Variants in ATP8B1 observed in about 807,000 individuals in gnomAD.
ATP8B1 encodes the protein phospholipid-transporting ATPase IC.
ATP8B1 carries 80 observed loss-of-function variants against 149.9 expected under a neutral mutation model. The ratio of observed to expected loss-of-function variants is 0.53; its 90% confidence interval spans 0.45 to 0.64. The LOEUF is 0.64. Among genes scored for constraint, ATP8B1 ranks in the 30% least tolerant of loss-of-function variants. The pLI, the probability that ATP8B1 is intolerant of heterozygous loss-of-function variation, is 0.00. For missense variants in ATP8B1, 1,247 were observed against 1,552.6 expected (o/e 0.80, Z 3.31); for synonymous variants, 536 against 562.8 (o/e 0.95, Z 0.67).
At chr18:57,751,352 G>A (rs1361266032) in intron 1 of ATP8B1, among the ~76,000 whole-genome samples, 1 of 151,504 alleles carries the variant, frequency 6.6e-6, no homozygotes, top group Non-Finnish European at 1.5e-5. Context: ...AATTTAGCAG[G>A]GCATGGTGGT....
chr18:57,655,144 C>G, intron 23 of ATP8B1, 50 bp downstream of exon 23: 6 of 1,502,230 alleles, frequency 4.0e-6, no homozygotes, highest in Non-Finnish European at 5.5e-6. Flanking sequence ...GATTTTTATT[C>G]ATTTAAGAGC....
At chr18:57,718,103 T>TAAAAAAA (rs59629558) in intron 2 of ATP8B1, among the ~76,000 whole-genome samples, 3 of 31,810 alleles carry the variant, frequency 9.4e-5, no homozygotes, top group Non-Finnish European at 1.7e-4. Context: ...CTGGACTAAC[T>TAAAAAAA]AAAAAAAAAA....
In ATP8B1 at chr18:57,760,151, G is replaced by GA. The variant is rs202110557; in HGVS notation, c.-25-28320dup. On this transcript the variant is annotated intron_variant, in intron 1 of 27. Coordinates refer to ENST00000648908, the MANE Select transcript of ATP8B1 (RefSeq NM_001374385.1). Reference sequence around the variant, plus strand: ...CTCTCCAATATACAAAGATCGGGGGGAAAAAATGACTAAAAATTATCCTCC... The same window carrying GA: ...CTCTCCAATATACAAAGATCGGGGGGAAAAAAATGACTAAAAATTATCCTCC... Among the ~76,000 whole-genome samples, 10 of 151,984 alleles carry GA rather than the reference G, an allele frequency of 6.6e-5. No individual in the cohort carries two copies. In the East Asian group the frequency reaches 1.7e-3, roughly 26 times the overall value.
intron 1 of ATP8B1, among the ~76,000 whole-genome samples, chr18:57,764,587 T>G (rs1433255712): frequency 6.6e-6 from 1 of 151,640 alleles, no homozygotes; most frequent in Non-Finnish European, 1.5e-5. Flanking sequence ...CCCGGCTAAT[T>G]TTTGTATTTT....
At position 57,750,192 on chromosome 18, in the gene ATP8B1, G is replaced by A. The variant is rs186552529; in HGVS notation, c.-25-18360C>T. 1.5e-3 allele frequency among the ~76,000 whole-genome samples: 235 copies of A among 152,290 alleles called. 3 individuals carry two copies. The highest frequency in any genetic ancestry group is 1.5e-3 in the East Asian group (8 of 5,182). On this transcript the variant is annotated intron_variant, in intron 1 of 27. Transcript: ENST00000648908. ...TGGGAGGTGGAGGTTGCAGTGAGCC[G>A]AGACTGTGCCACTGCACTTTAGCCT... is the stretch of plus-strand genomic sequence containing the variant.
intron 16 of ATP8B1, among the ~76,000 whole-genome samples, chr18:57,672,579 C>A (rs317835): frequency 0.4 from 60,941 of 151,780 alleles, 12,595 homozygotes; most frequent in East Asian, 0.66. Flanking sequence ...ATAATATATA[C>A]CTTCTGGCTA....
At chr18:57,763,471 C>A (rs1345366026) in intron 1 of ATP8B1, among the ~76,000 whole-genome samples, 1 of 152,094 alleles carries the variant, frequency 6.6e-6, no homozygotes, top group African/African-American at 2.4e-5. Context: ...GGTAACATTT[C>A]AACATTTAAG....
intron 1 of ATP8B1, among the ~76,000 whole-genome samples, chr18:57,758,146 A>G (rs4941046): frequency 0.37 from 55,767 of 151,984 alleles, 10,737 homozygotes; most frequent in African/African-American, 0.49. Context: ...AGCATGAGCC[A>G]CCAAGTCTGG....
At chr18:57,705,443 T>C (rs773943172) in intron 3 of ATP8B1, among the ~76,000 whole-genome samples, 3 of 152,140 alleles carry the variant, frequency 2.0e-5, no homozygotes, top group Non-Finnish European at 4.4e-5. Flanking sequence ...TATTTGGAAA[T>C]AGGATCTTCG....
intron 2 of ATP8B1, among the ~76,000 whole-genome samples, chr18:57,730,814 TATATATATATATATATATATACACACAC>T (rs754456840): frequency 3.0e-4 from 46 of 150,870 alleles, no homozygotes; most frequent in Admixed American, 2.5e-3. Context: ...TATATATATA[TATATATATATATATATATATACACACAC>T]ACACACACAC....
chr18:57,773,384 C>T (rs2080281019), intron 1 of ATP8B1, among the ~76,000 whole-genome samples: 1 of 152,032 alleles, frequency 6.6e-6, no homozygotes, highest in Admixed American at 6.6e-5. Context: ...TCTGGCAGAA[C>T]TTTCAGAGGC....
Position 57,648,104 on chromosome 18 carries a change from A to G in ATP8B1, c.*384T>C. The G allele has an allele frequency of 2.9e-6, 1 of 350,400 alleles. No homozygotes were observed. Among genetic ancestry groups the G allele is most frequent in the African/African-American group, 2.1e-5 (1 of 47,132 alleles). The allele number at this position is 350,400 out of a possible 1,614,324, so 21.7% of individuals were successfully genotyped here. On this transcript the variant is annotated 3_prime_UTR_variant, in exon 28 of 28. Transcript: ENST00000648908. ...CAGGTTCAAGCGATTCTTCTGCTTCAGCTTCTCAAATAGGTGGGATTACGG... is the reference window on the plus strand; with the variant it reads ...CAGGTTCAAGCGATTCTTCTGCTTCGGCTTCTCAAATAGGTGGGATTACGG...
At chr18:57,696,057 A>T (rs1568200093) in intron 8 of ATP8B1, among the ~76,000 whole-genome samples, 1 of 152,166 alleles carries the variant, frequency 6.6e-6, no homozygotes, top group Non-Finnish European at 1.5e-5. Context: ...GGGTGGGCAC[A>T]AGGGCAGGCC....
chr18:57,714,269 G>C (rs765035207), intron 2 of ATP8B1, among the ~76,000 whole-genome samples: 2 of 152,024 alleles, frequency 1.3e-5, no homozygotes, highest in Non-Finnish European at 2.9e-5. Flanking sequence ...CAGTAGAATA[G>C]ATAGGACACC....
At chr18:57,799,721 A>G (rs897076949) in intron 1 of ATP8B1, among the ~76,000 whole-genome samples, 2 of 150,242 alleles carry the variant, frequency 1.3e-5, no homozygotes, top group African/African-American at 2.4e-5. Context: ...AAAAAAAAAA[A>G]GAAAATGAGA....
chr18:57,689,893 G>C (rs764079674), intron 12 of ATP8B1, among the ~76,000 whole-genome samples: 16 of 152,182 alleles, frequency 1.1e-4, no homozygotes, highest in Non-Finnish European at 2.2e-4. Flanking sequence ...GCATGTACTT[G>C]TAATTCCAGC....
chr18:57,681,128 G>A (rs1911945905), intron 15 of ATP8B1, among the ~76,000 whole-genome samples: 1 of 152,168 alleles, frequency 6.6e-6, no homozygotes, highest in Non-Finnish European at 1.5e-5. Flanking sequence ...AACTCTTCTT[G>A]GGGAGAGACT....
chr18:57,662,937 A>G (rs1164543820), intron 20 of ATP8B1, among the ~76,000 whole-genome samples: 1 of 152,074 alleles, frequency 6.6e-6, no homozygotes, highest in East Asian at 1.9e-4. Context: ...TATTTTTTGT[A>G]GCAATAGGGT....
At chr18:57,777,864 C>G (rs2080319256) in intron 1 of ATP8B1, among the ~76,000 whole-genome samples, 1 of 152,250 alleles carries the variant, frequency 6.6e-6, no homozygotes, top group South Asian at 2.1e-4. Context: ...GCCACCTTAT[C>G]TGGCCAAGGC....
Sources: allele counts gnomAD v4.1 joint callset (sites outside exome capture counted in the v4.1 genomes callset), GRCh38; gene constraint gnomAD v4.1.1; transcripts MANE v1.5; gene names NCBI Gene and HGNC (gene_info 2026-07-23, HGNC 2026-07-21).